The following LUZP2 variants were observed in gnomAD, a reference collection of about 807,000 sequenced individuals.
LUZP2 encodes leucine zipper protein 2.
In LUZP2, 52 loss-of-function variants were observed where a neutral mutation model predicts 51.6. The observed-to-expected ratio is 1.01, with a 90% CI of 0.81 to 1.27. LUZP2 has a LOEUF of 1.27. LUZP2 is among the 50% of genes most tolerant of loss of function. LUZP2 has a pLI of 0.00. For missense variants in LUZP2, 436 were observed against 395.4 expected (o/e 1.10, Z -0.87); for synonymous variants, 154 against 137.3 (o/e 1.12, Z -0.85).
At chr11:24,549,108 A>AT (rs1373576429) in intron 1 of LUZP2, among the ~76,000 whole-genome samples, 1 of 151,934 alleles carries the variant, frequency 6.6e-6, no homozygotes, top group African/African-American at 2.4e-5. Flanking sequence ...TTTGTTATAA[A>AT]ATTTAGTTTA....
chr11:25,044,404 C>G (rs950512742), intron 9 of LUZP2, among the ~76,000 whole-genome samples: 1 of 151,310 alleles, frequency 6.6e-6, no homozygotes, highest in African/African-American at 2.4e-5. Context: ...GTTAATTAAT[C>G]AGTTTCAATA....
At chr11:24,904,944 A>T (rs1853400880) in intron 5 of LUZP2, among the ~76,000 whole-genome samples, 1 of 152,208 alleles carries the variant, frequency 6.6e-6, no homozygotes, top group Non-Finnish European at 1.5e-5. Flanking sequence ...AATGGAAACC[A>T]AAACAGATTA....
chr11:24,514,984 G>A (rs865879106), intron 1 of LUZP2, among the ~76,000 whole-genome samples: 2 of 152,086 alleles, frequency 1.3e-5, no homozygotes, highest in African/African-American at 2.4e-5. Flanking sequence ...AAGACCAAAG[G>A]GTGTGGTGAA....
At chr11:24,664,041 C>T (rs149317437) in intron 1 of LUZP2, among the ~76,000 whole-genome samples, 451 of 152,106 alleles carry the variant, frequency 3.0e-3, no homozygotes, top group Non-Finnish European at 5.6e-3. Context: ...CCAGGTAGAA[C>T]GGTGTTGCTA....
chr11:24,754,149 TTTTG>T (rs1554985382), intron 4 of LUZP2, among the ~76,000 whole-genome samples: 3 of 152,140 alleles, frequency 2.0e-5, no homozygotes, highest in South Asian at 2.1e-4. Flanking sequence ...CATCAGTGTT[TTTTG>T]TTTGTTTGTT....
intron 9 of LUZP2, among the ~76,000 whole-genome samples, chr11:25,028,432 G>C (rs1020115609): frequency 2.6e-5 from 4 of 152,028 alleles, no homozygotes; most frequent in Non-Finnish European, 4.4e-5. Flanking sequence ...AGAAAATGTG[G>C]TGTATATAAT....
intron 1 of LUZP2, among the ~76,000 whole-genome samples, chr11:24,622,422 C>T (rs935923679): frequency 6.6e-6 from 1 of 151,934 alleles, no homozygotes; most frequent in Non-Finnish European, 1.5e-5. Flanking sequence ...CTAGGCTGAT[C>T]TCGAATTTCA....
intron 1 of LUZP2, among the ~76,000 whole-genome samples, chr11:24,718,944 C>A (rs139543546): frequency 6.6e-6 from 1 of 151,988 alleles, no homozygotes; most frequent in African/African-American, 2.4e-5. Flanking sequence ...TTGAAATAGA[C>A]AAAACACATT....
intron 1 of LUZP2, among the ~76,000 whole-genome samples, chr11:24,512,933 C>G (rs1045496519): frequency 1.3e-5 from 2 of 151,836 alleles, no homozygotes; most frequent in African/African-American, 4.8e-5. Flanking sequence ...TGCTGTTGTA[C>G]TTTTATTAGA....
In LUZP2 at chr11:24,774,381, T is replaced by TACAC. The variant is rs547340390; in HGVS notation, c.396+11076_396+11077insCACA. On this transcript the variant is annotated intron_variant, in intron 5 of 11. Transcript: ENST00000336930. ...CTCTCTCTATATATATATATATATA[T>TACAC]ACATACACACACACATATTTATAAA... Among the ~76,000 whole-genome samples, 165 of 93,972 alleles carry TACAC rather than the reference T, an allele frequency of 1.8e-3. 4 individuals are homozygous for TACAC. The highest frequency in any genetic ancestry group is 5.3e-3 in the African/African-American group (116 of 21,842). The allele number at this position is 93,972 out of a possible 152,430, so 61.6% of individuals were successfully genotyped here.
At chr11:24,845,122 C>A (rs962899632) in intron 5 of LUZP2, among the ~76,000 whole-genome samples, 3 of 152,312 alleles carry the variant, frequency 2.0e-5, no homozygotes, top group African/African-American at 7.2e-5. Flanking sequence ...AAGCAGCAGA[C>A]ACTCAATGCC....
Position 25,071,166 on chromosome 11 carries a change from A to G in LUZP2, c.859-6163A>G, listed in dbSNP as rs529391683. 1.1e-4 allele frequency among the ~76,000 whole-genome samples: 16 copies of G among 152,112 alleles called. No homozygotes were observed. In the South Asian group the frequency reaches 3.3e-3, roughly 31 times the overall value. On this transcript the variant is annotated intron_variant, in intron 10 of 11. Coordinates refer to ENST00000336930, the MANE Select transcript of LUZP2 (RefSeq NM_001009909.4). Reference sequence around the variant, plus strand: ...GAAACATACCTATTTGTATCTTGATATCACTTAACACAGTTCTAATCTATA... The same window carrying G: ...GAAACATACCTATTTGTATCTTGATGTCACTTAACACAGTTCTAATCTATA...
chr11:24,874,232 C>G (rs1053068837), intron 5 of LUZP2, among the ~76,000 whole-genome samples: 1 of 152,078 alleles, frequency 6.6e-6, no homozygotes, highest in Admixed American at 6.6e-5. Context: ...AACAAGTACC[C>G]TAGTTGCTTC....
In LUZP2 at chr11:24,545,686, T is replaced by C. The variant is rs139719972; in HGVS notation, c.62+48381T>C. ...CAGTACCATGCTGTTTTGGTTGCTG[T>C]AGCACCATAGTATAGTTTGAAGCTG... On this transcript the variant is annotated intron_variant, in intron 1 of 11. Coordinates refer to ENST00000336930, the MANE Select transcript of LUZP2 (RefSeq NM_001009909.4). Among the ~76,000 whole-genome samples, 539 of 152,114 alleles carry C rather than the reference T, an allele frequency of 3.5e-3. 3 individuals carry two copies. Among genetic ancestry groups the C allele is most frequent in the African/African-American group, 0.012 (507 of 41,522 alleles).
chr11:24,780,167 A>G (rs1017201908), intron 5 of LUZP2, among the ~76,000 whole-genome samples: 2 of 152,162 alleles, frequency 1.3e-5, no homozygotes, highest in African/African-American at 4.8e-5. Context: ...TCAGGTTATC[A>G]TTAATATTAA....
At chr11:24,793,529 T>C (rs1849463728) in intron 5 of LUZP2, among the ~76,000 whole-genome samples, 1 of 152,140 alleles carries the variant, frequency 6.6e-6, no homozygotes, top group African/African-American at 2.4e-5. Flanking sequence ...GACTAAATCT[T>C]GCAAAAGAAA....
In LUZP2 at chr11:24,659,468, C is replaced by T. The variant is rs190699399; in HGVS notation, c.63-69701C>T. On this transcript the variant is annotated intron_variant, in intron 1 of 11. Coordinates refer to ENST00000336930, the MANE Select transcript of LUZP2 (RefSeq NM_001009909.4). ...ACAGCATTAGGAGATATACCTAATG[C>T]TAAATGACGAGTTAATGCGTGCAGC... Among the ~76,000 whole-genome samples the T allele has an allele frequency of 1.1e-4, 17 of 151,946 alleles. No homozygotes were observed. The East Asian group carries it at 3.1e-3, about 28-fold the overall frequency.
chr11:24,894,123 GA>G, intron 5 of LUZP2, among the ~76,000 whole-genome samples: 1 of 151,196 alleles, frequency 6.6e-6, no homozygotes, highest in East Asian at 1.9e-4. Context: ...TGAGTGAATA[GA>G]ATATGCATGA....
intron 1 of LUZP2, among the ~76,000 whole-genome samples, chr11:24,549,988 G>C (rs750603701): frequency 6.6e-6 from 1 of 151,952 alleles, no homozygotes; most frequent in African/African-American, 2.4e-5. Flanking sequence ...ATATCAACAG[G>C]AGAAAACCCA....
Sources: allele counts gnomAD v4.1 joint callset (sites outside exome capture counted in the v4.1 genomes callset), GRCh38; gene constraint gnomAD v4.1.1; transcripts MANE v1.5; gene names NCBI Gene and HGNC (gene_info 2026-07-23, HGNC 2026-07-21).